Variants in ESYT3 observed in about 807,000 individuals in gnomAD.
The protein encoded by ESYT3 is extended synaptotagmin-3.
Under a neutral mutation model 111.5 loss-of-function variants are expected in ESYT3, and 101 were observed. The observed-to-expected ratio is 0.91, with a 90% CI of 0.77 to 1.07. ESYT3 has a LOEUF of 1.07. Ranked by LOEUF, ESYT3 falls within the 50% of genes least tolerant of loss-of-function variation. The probability of loss-of-function intolerance (pLI) is 0.00; values close to 1 mark genes in which losing one functional copy is unlikely to be tolerated. For synonymous variants in ESYT3, 416 were observed against 446.8 expected, an observed-to-expected ratio of 0.93 and a Z score of 0.87; for missense variants, 1,097 against 1,109.4, an observed-to-expected ratio of 0.99 and a Z score of 0.16.
chr3:138,468,976 G>C lies in ESYT3; in HGVS notation c.1434+95G>C, dbSNP rs560036668. On this transcript the variant is annotated intron_variant, in intron 14 of 22. Coordinates refer to ENST00000389567, the MANE Select transcript of ESYT3 (RefSeq NM_031913.5). ...CCCCATGTCTTCTGGGCCACAGTCT[G>C]TGCACACACAGCCTGGGGATAACAA... The C allele has an allele frequency of 1.3e-5, 17 of 1,286,840 alleles. No individual in the cohort carries two copies. In the African/African-American group the frequency reaches 2.3e-4, roughly 18 times the overall value. The allele number at this position is 1,286,840 out of a possible 1,614,324, so 79.7% of individuals were successfully genotyped here.
At chr3:138,454,922 G>A (rs918812890) in intron 2 of ESYT3, among the ~76,000 whole-genome samples, 1 of 152,222 alleles carries the variant, frequency 6.6e-6, no homozygotes, top group East Asian at 1.9e-4. Flanking sequence ...TAGTGAATGA[G>A]TATTTCTTGG....
At chr3:138,445,065 C>A (rs528491970) in intron 1 of ESYT3, among the ~76,000 whole-genome samples, 2 of 152,196 alleles carry the variant, frequency 1.3e-5, no homozygotes, top group South Asian at 4.1e-4. Context: ...CCTCTGGAAT[C>A]AAAATCTCTG....
At chr3:138,438,809 G>A (rs898842665) in intron 1 of ESYT3, among the ~76,000 whole-genome samples, 1 of 152,232 alleles carries the variant, frequency 6.6e-6, no homozygotes, top group Admixed American at 6.5e-5. Context: ...CTGGAAGGAA[G>A]AATTCTCCTT....
chr3:138,468,220 C>T (rs374056624), intron 12 of ESYT3, 26 bp downstream of exon 12: 1 of 1,609,810 alleles, frequency 6.2e-7, no homozygotes, highest in Non-Finnish European at 8.5e-7. Context: ...CAAGGGCTCC[C>T]TTGCAGAAAG....
At chr3:138,468,597 A>G in intron 12 of ESYT3, 58 bp from the exon 13 acceptor site, 1 of 1,582,710 alleles carries the variant, frequency 6.3e-7, no homozygotes, top group Non-Finnish European at 8.7e-7. Flanking sequence ...CTTCTCCAAA[A>G]TCAGTCTTTG....
Position 138,434,824 on chromosome 3 carries a change from C to G in ESYT3, c.26C>G (p.Pro9Arg), listed in dbSNP as rs34196667. Residue 9 changes from proline (P) to arginine (R), a missense_variant, in exon 1 of 23, where the codon CCC (proline) becomes CGC (arginine). Physicochemically the swap from Pro to Arg is moderately radical, Grantham distance 103. Transcript: ENST00000389567. ...ATGCGAGCAGAGGAGCCCTGCGCCC[C>G]CGGGGCCCCCAGCGCCCTGGGAGCC... MRAEEPCAPGAPSALGAQR... is the reference protein window; with the variant it reads MRAEEPCARGAPSALGAQR... 1.4e-3 allele frequency: 2,205 copies of G among 1,560,074 alleles called. 21 individuals are homozygous for G. In the African/African-American group the frequency reaches 0.026, roughly 18 times the overall value.
chr3:138,455,290 A>G lies in ESYT3; in HGVS notation c.466A>G (p.Arg156Gly), dbSNP rs2032206987. Residue 156 changes from arginine to glycine, a missense_variant, in exon 3 of 23, where the codon AGG becomes GGG. Arg to Gly is a moderately radical substitution (Grantham distance 125, BLOSUM62 -2). Transcript: ENST00000389567. Reference protein sequence around the residue: ...PKIREKSIHLRTFTFTKLYFG... With the variant: ...PKIREKSIHLGTFTFTKLYFG... ...GATCCGAGAGAAGAGCATCCACCTG[A>G]GGACCTTTACCTTTACCAAGCTCTA... The G allele has an allele frequency of 1.9e-6, 3 of 1,614,156 alleles. No individual in the cohort carries two copies. The highest frequency in any genetic ancestry group is 1.6e-4 in the Middle Eastern group (1 of 6,062).
In ESYT3 at chr3:138,447,083, G is replaced by T. The variant is rs556431687; in HGVS notation, c.328-4965G>T. On this transcript the variant is annotated intron_variant, in intron 1 of 22. Transcript: ENST00000389567. The stretch of plus-strand genomic sequence containing the variant: ...TATATGTATTACAGAATATAAACTT[G>T]AAATATAAATCAACAACCGACATGA... Among the ~76,000 whole-genome samples, 41 of 150,186 alleles carry T rather than the reference G, an allele frequency of 2.7e-4. No individual in the cohort carries two copies. In the East Asian group the frequency reaches 8.0e-3, roughly 29 times the overall value.
chr3:138,462,445 TG>T (rs756509546), intron 8 of ESYT3: 4 of 575,658 alleles, frequency 6.9e-6, no homozygotes, highest in Non-Finnish European at 9.2e-6. Context: ...ATATTTCCTC[TG>T]TTTGTGACAA....
At chr3:138,460,498 C>T (rs1187801312) in intron 6 of ESYT3, 113 bp from the exon 7 acceptor site, 3 of 1,187,388 alleles carry the variant, frequency 2.5e-6, no homozygotes, top group African/African-American at 3.0e-5. Context: ...TCCGAACCCC[C>T]ACCCTGGAAG....
At chr3:138,441,400 GC>G (rs34289129) in intron 1 of ESYT3, among the ~76,000 whole-genome samples, 2 of 152,272 alleles carry the variant, frequency 1.3e-5, no homozygotes, top group Admixed American at 1.3e-4. Flanking sequence ...CTGTGTTGCA[GC>G]CCCCTCTCCA....
At chr3:138,462,297 C>T in intron 8 of ESYT3, 91 bp downstream of exon 8, 8 of 1,544,930 alleles carry the variant, frequency 5.2e-6, no homozygotes, top group Non-Finnish European at 7.1e-6. Context: ...GGCTTTATTT[C>T]ACACTAATGC....
At chr3:138,441,785 T>C (rs923967294) in intron 1 of ESYT3, among the ~76,000 whole-genome samples, 1 of 151,886 alleles carries the variant, frequency 6.6e-6, no homozygotes, top group Admixed American at 6.6e-5. Flanking sequence ...GGATTTAAGA[T>C]GTTTTTCTGC....
intron 8 of ESYT3, 106 bp from the exon 9 acceptor site, chr3:138,464,239 G>C: frequency 1.5e-6 from 2 of 1,302,900 alleles, no homozygotes; most frequent in Non-Finnish European, 2.1e-6. Context: ...ACCGTGGAGG[G>C]GGCAATATGG....
intron 20 of ESYT3, among the ~76,000 whole-genome samples, chr3:138,475,239 A>G (rs2033426937): frequency 6.6e-6 from 1 of 152,188 alleles, no homozygotes; most frequent in Non-Finnish European, 1.5e-5. Flanking sequence ...CTCTGACATA[A>G]TTATAAAAAG....
intron 16 of ESYT3, 69 bp from the exon 17 acceptor site, chr3:138,470,808 G>C (rs1307836361): frequency 6.2e-7 from 1 of 1,605,226 alleles, no homozygotes. Context: ...CTTGGCTGGG[G>C]CTCAGATACT....
In ESYT3 at chr3:138,434,987, G is replaced by C; in HGVS notation, c.189G>C (p.Leu63=). Reference sequence around the variant, plus strand: ...TGGGGCTCAGCATAACCTGGTTGCTGCTCGGCGCCCTGCTGTGGATGTGGT... The same window carrying C: ...TGGGGCTCAGCATAACCTGGTTGCTCCTCGGCGCCCTGCTGTGGATGTGGT... ...GYLGLSITWL[L]LGALLWMWWR... Residue 63 remains leucine (L), a synonymous_variant, in exon 1 of 23, where the codon CTG becomes CTC. Coordinates refer to ENST00000389567, the MANE Select transcript of ESYT3 (RefSeq NM_031913.5). 6.4e-7 allele frequency: 1 copy of C among 1,560,550 alleles called. No individual in the cohort carries two copies. Among genetic ancestry groups the C allele is most frequent in the South Asian group, 1.2e-5 (1 of 84,770 alleles).
chr3:138,479,000 T>G lies in ESYT3; in HGVS notation c.*2146T>G, dbSNP rs1018277744. ...TGGCCCCACAGGGTTGCCACTCCCA[T>G]CCAGGGCACATATGCGACAACTGCA... On this transcript the variant is annotated 3_prime_UTR_variant, in exon 23 of 23. Coordinates refer to ENST00000389567, the MANE Select transcript of ESYT3 (RefSeq NM_031913.5). 6.6e-6 allele frequency: 1 copy of G among 152,056 alleles called. No individual in the cohort carries two copies. Among genetic ancestry groups the G allele is most frequent in the Non-Finnish European group, 1.5e-5 (1 of 68,024 alleles). 9.4% of individuals were successfully genotyped at this position (152,056 alleles called of 1,614,324 possible).
intron 1 of ESYT3, among the ~76,000 whole-genome samples, chr3:138,447,798 C>T (rs986747576): frequency 5.3e-5 from 8 of 151,484 alleles, no homozygotes; most frequent in Non-Finnish European, 1.2e-4. Context: ...TAAAGGGTGT[C>T]AATGATGTAA....
Sources: gnomAD v4.1 joint callset for allele counts (sites outside exome capture counted in the v4.1 genomes callset) on GRCh38, gnomAD v4.1.1 for gene constraint, MANE v1.5 for transcripts, NCBI Gene and HGNC (gene_info 2026-07-23, HGNC 2026-07-21) for gene names.